The following SFXN5 variants were observed in gnomAD, a reference collection of about 807,000 sequenced individuals.
SFXN5 encodes the protein sideroflexin 5.
Under a neutral mutation model 50.2 loss-of-function variants are expected in SFXN5, and 43 were observed. That is an observed-to-expected ratio of 0.86 (90% CI 0.67 to 1.11). The LOEUF (loss-of-function observed/expected upper bound fraction) is 1.11, where lower values mean the gene tolerates loss of function less well. Ranked by LOEUF, SFXN5 falls within the 50% of genes least tolerant of loss-of-function variation. SFXN5 has a pLI of 0.00. For synonymous variants in SFXN5, 203 were observed against 185.8 expected (o/e 1.09, Z -0.75); for missense variants, 463 against 454.1 (o/e 1.02, Z -0.18).
rs1206997632 is a variant in SFXN5, at chr2:72,999,120, G to A, written c.469-106C>T. The A allele has an allele frequency of 1.9e-5, 23 of 1,226,148 alleles. No homozygotes were observed. The Admixed American group carries it at 4.3e-4, about 23-fold the overall frequency. The allele number at this position is 1,226,148 out of a possible 1,614,324, so 76.0% of individuals were successfully genotyped here. Reference sequence around the variant, plus strand: ...AAGAAGCATCCTGCCCACCAGCCTGGAAAGTGGGTAGAAGGAAGAGGCCCC... The same window carrying A: ...AAGAAGCATCCTGCCCACCAGCCTGAAAAGTGGGTAGAAGGAAGAGGCCCC... On this transcript the variant is annotated intron_variant, in intron 8 of 13. Transcript: ENST00000272433.
At chr2:72,949,732 G>C (rs1359580625) in intron 13 of SFXN5, among the ~76,000 whole-genome samples, 1 of 152,178 alleles carries the variant, frequency 6.6e-6, no homozygotes, top group East Asian at 1.9e-4. Context: ...GCCAGGTCCT[G>C]CCCTATGATG....
At chr2:73,018,046 A>G (rs1676389839) in intron 6 of SFXN5, among the ~76,000 whole-genome samples, 1 of 152,138 alleles carries the variant, frequency 6.6e-6, no homozygotes, top group African/African-American at 2.4e-5. Context: ...TCTATAAAAA[A>G]ATTTTTGAGA....
At chr2:73,000,622 G>GA in intron 7 of SFXN5, 135 bp from the exon 8 acceptor site, 2 of 815,304 alleles carry the variant, frequency 2.5e-6, no homozygotes, top group Non-Finnish European at 3.9e-6. Flanking sequence ...CGCCCATGCT[G>GA]CCGGTCAGCA....
intron 10 of SFXN5, among the ~76,000 whole-genome samples, chr2:72,982,858 C>T (rs746158186): frequency 1.3e-5 from 2 of 152,196 alleles, no homozygotes; most frequent in Non-Finnish European, 2.9e-5. Flanking sequence ...GCAGCGTTCT[C>T]CAGGGCTGCA....
At chr2:73,026,137 T>TTTTTTTA (rs2105856113) in intron 3 of SFXN5, among the ~76,000 whole-genome samples, 1 of 145,752 alleles carries the variant, frequency 6.9e-6, no homozygotes, top group African/African-American at 2.7e-5. Context: ...TTTTTTTTTT[T>TTTTTTTA]CTTTTTTTGA....
At position 73,071,654 on chromosome 2, in the gene SFXN5, CGCT is replaced by C; in HGVS notation, c.49_51del (p.Ser17del). 1 of 1,613,422 alleles carries C rather than the reference CGCT, an allele frequency of 6.2e-7. No homozygotes were observed. Among genetic ancestry groups the C allele is most frequent in the Non-Finnish European group, 8.5e-7 (1 of 1,179,852 alleles). On this transcript the variant is annotated inframe_deletion, in exon 1 of 14. Coordinates refer to ENST00000272433, the MANE Select transcript of SFXN5 (RefSeq NM_144579.3). ...TGGAAAGGAGGTGCATCGCTCGAGG[CGCT>C]AGCGGCACTAGCCGCCGCCGCCGAT...
chr2:72,981,808 TA>T (rs778183248), intron 10 of SFXN5, among the ~76,000 whole-genome samples: 39 of 152,342 alleles, frequency 2.6e-4, no homozygotes, highest in Non-Finnish European at 5.1e-4. Flanking sequence ...TAACATGATC[TA>T]ATTATCCCCG....
intron 1 of SFXN5, chr2:73,071,346 G>A (rs922624075): frequency 2.2e-6 from 1 of 458,084 alleles, no homozygotes; most frequent in Non-Finnish European, 3.9e-6. Context: ...GGGCGCCGCG[G>A]GCGGGAAAGG....
intron 12 of SFXN5, among the ~76,000 whole-genome samples, chr2:72,967,842 G>A (rs528128250): frequency 1.3e-4 from 20 of 152,152 alleles, no homozygotes; most frequent in Admixed American, 2.6e-4. Context: ...CTTCAGTTTC[G>A]CACTCATTCA....
At chr2:73,061,306 T>TGAAAAA (rs1559221004) in intron 1 of SFXN5, among the ~76,000 whole-genome samples, 2 of 118,144 alleles carry the variant, frequency 1.7e-5, no homozygotes. Flanking sequence ...AGACTCTGTC[T>TGAAAAA]CAAAAAAAAA....
intron 3 of SFXN5, among the ~76,000 whole-genome samples, chr2:73,024,207 A>G (rs1677266466): frequency 6.6e-6 from 1 of 151,818 alleles, no homozygotes; most frequent in Non-Finnish European, 1.5e-5. Context: ...TATTTTTAGT[A>G]GAGACGGGGT....
intron 10 of SFXN5, among the ~76,000 whole-genome samples, chr2:72,983,904 G>A (rs950125178): frequency 6.6e-6 from 1 of 152,156 alleles, no homozygotes; most frequent in Non-Finnish European, 1.5e-5. Flanking sequence ...CTAGAGCTGG[G>A]GGTGTGTATT....
At chr2:73,031,247 A>G (rs1477407879) in intron 3 of SFXN5, among the ~76,000 whole-genome samples, 1 of 152,222 alleles carries the variant, frequency 6.6e-6, no homozygotes, top group Non-Finnish European at 1.5e-5. Context: ...AGGGGAAGTG[A>G]TGTGCCTTTT....
At chr2:73,051,047 T>C (rs1279981747) in intron 2 of SFXN5, among the ~76,000 whole-genome samples, 1 of 152,118 alleles carries the variant, frequency 6.6e-6, no homozygotes, top group Non-Finnish European at 1.5e-5. Flanking sequence ...TTGGCCAAGT[T>C]CTTTGTCACT....
At chr2:73,045,060 G>C (rs928098659) in intron 2 of SFXN5, among the ~76,000 whole-genome samples, 1 of 152,230 alleles carries the variant, frequency 6.6e-6, no homozygotes, top group African/African-American at 2.4e-5. Context: ...TCTTCTTGGA[G>C]AGACCAGGCC....
intron 11 of SFXN5, among the ~76,000 whole-genome samples, chr2:72,970,926 G>A (rs377245390): frequency 4.6e-5 from 7 of 152,134 alleles, no homozygotes; most frequent in African/African-American, 1.4e-4. Context: ...GAACTCAGGC[G>A]ATCCACCCAC....
intron 9 of SFXN5, chr2:72,997,440 TA>T (rs1236721920): frequency 2.0e-5 from 3 of 152,182 alleles, no homozygotes; most frequent in Non-Finnish European, 4.4e-5. Context: ...TCTTTTTCAT[TA>T]GAGATAAGAT....
At chr2:73,027,049 A>G (rs776318645) in intron 3 of SFXN5, among the ~76,000 whole-genome samples, 3 of 150,866 alleles carry the variant, frequency 2.0e-5, no homozygotes, top group Non-Finnish European at 4.4e-5. Context: ...TTTAGAGTGT[A>G]TACCTTCTAT....
At chr2:73,050,417 C>CACACACACACACAA (rs1681138808) in intron 2 of SFXN5, among the ~76,000 whole-genome samples, 2 of 152,112 alleles carry the variant, frequency 1.3e-5, no homozygotes, top group African/African-American at 4.8e-5. Flanking sequence ...CACACACACA[C>CACACACACACACAA]ACACCCCTGC....
Sources: allele counts gnomAD v4.1 joint callset (sites outside exome capture counted in the v4.1 genomes callset), GRCh38; gene constraint gnomAD v4.1.1; transcripts MANE v1.5; gene names NCBI Gene and HGNC (gene_info 2026-07-23, HGNC 2026-07-21).